ABTB2: variants seen among roughly 807,000 people sequenced by gnomAD.
The protein encoded by ABTB2 is ankyrin repeat and BTB domain containing 2, also known as ankyrin repeat and BTB/POZ domain-containing protein 2.
Under a neutral mutation model 104.1 loss-of-function variants are expected in ABTB2, and 56 were observed. The observed-to-expected ratio is 0.54, with a 90% CI of 0.43 to 0.67. ABTB2 has a LOEUF of 0.67. ABTB2 is among the 30% of genes least tolerant of loss of function. ABTB2 has a pLI of 0.00. For missense variants in ABTB2, 1,279 were observed against 1,407.7 expected, an observed-to-expected ratio of 0.91 and a Z score of 1.46; for synonymous variants, 606 against 608.2, an observed-to-expected ratio of 1.00 and a Z score of 0.05.
intron 3 of ABTB2, among the ~76,000 whole-genome samples, chr11:34,180,968 G>T (rs1397149671): frequency 6.6e-6 from 1 of 152,142 alleles, no homozygotes; most frequent in Non-Finnish European, 1.5e-5. Flanking sequence ...GAGGTGGCAC[G>T]ATCTCAGCTC....
intron 1 of ABTB2, among the ~76,000 whole-genome samples, chr11:34,341,758 G>A (rs1165566464): frequency 6.6e-6 from 1 of 152,140 alleles, no homozygotes; most frequent in Non-Finnish European, 1.5e-5. Context: ...AAACTCATGA[G>A]TTCCCAGGCC....
chr11:34,232,266 T>C (rs1459715983), intron 1 of ABTB2, among the ~76,000 whole-genome samples: 1 of 151,990 alleles, frequency 6.6e-6, no homozygotes, highest in Non-Finnish European at 1.5e-5. Flanking sequence ...CTGGCCAACA[T>C]GGTGAAACCC....
At chr11:34,265,289 G>C (rs993314188) in intron 1 of ABTB2, among the ~76,000 whole-genome samples, 4 of 152,234 alleles carry the variant, frequency 2.6e-5, no homozygotes, top group African/African-American at 9.6e-5. Flanking sequence ...CAATGTCACT[G>C]AAGCAGCTAC....
chr11:34,207,498 TA>T (rs751647610), intron 1 of ABTB2, among the ~76,000 whole-genome samples: 1 of 152,248 alleles, frequency 6.6e-6, no homozygotes, highest in Non-Finnish European at 1.5e-5. Flanking sequence ...CTTTTGCTTT[TA>T]AATGACTTTT....
rs376288765 is a variant in ABTB2 at position 34,154,788 on chromosome 11, C to G, written c.2698-19G>C. 3 of 1,613,042 alleles carry G rather than the reference C, an allele frequency of 1.9e-6. No homozygotes were observed. The highest frequency in any genetic ancestry group is 2.5e-6 in the Non-Finnish European group (3 of 1,179,292). ...TCATCATCTGTGGTGGGAAGAGGCC[C>G]ATGTGAATGCCACGTGAACCTGAGG... is the stretch of plus-strand genomic sequence containing the variant. On this transcript the variant is annotated intron_variant, in intron 14 of 16. Coordinates refer to ENST00000435224, the MANE Select transcript of ABTB2 (RefSeq NM_145804.3). This position sits in a 1 kb window ranked among gnomAD's most constrained non-coding sequence, Gnocchi z 4.9.
intron 3 of ABTB2, among the ~76,000 whole-genome samples, chr11:34,193,241 T>C (rs1853204157): frequency 6.6e-6 from 1 of 152,236 alleles, no homozygotes. Flanking sequence ...GGGCAGCAGC[T>C]GTGACTAATT....
intron 1 of ABTB2, among the ~76,000 whole-genome samples, chr11:34,339,401 A>G (rs1189992870): frequency 2.6e-5 from 4 of 152,186 alleles, no homozygotes; most frequent in African/African-American, 9.7e-5. Context: ...TGTGGGGACA[A>G]TGAAGGCGAC....
chr11:34,154,790 T>C lies in ABTB2; in HGVS notation c.2698-21A>G. The C allele has an allele frequency of 6.2e-7, 1 of 1,613,074 alleles. No homozygotes were observed. The highest frequency in any genetic ancestry group is 1.1e-5 in the South Asian group (1 of 91,008). ...ATCATCTGTGGTGGGAAGAGGCCCA[T>C]GTGAATGCCACGTGAACCTGAGGCA... On this transcript the variant is annotated intron_variant, in intron 14 of 16. Transcript: ENST00000435224. The surrounding 1 kb of genome is among the most constrained non-coding windows in gnomAD (Gnocchi z 4.9).
chr11:34,314,399 A>G (rs868288706), intron 1 of ABTB2, among the ~76,000 whole-genome samples: 44 of 152,358 alleles, frequency 2.9e-4, no homozygotes, highest in African/African-American at 9.6e-4. Flanking sequence ...TCTGTACTCC[A>G]AGGCTGAGCC....
intron 1 of ABTB2, among the ~76,000 whole-genome samples, chr11:34,344,907 G>A (rs1305603426): frequency 2.0e-5 from 3 of 152,102 alleles, no homozygotes; most frequent in African/African-American, 7.2e-5. Context: ...TTCAGTCAAT[G>A]GCCACTCCCT....
At chr11:34,177,847 A>G (rs1253597790) in intron 3 of ABTB2, among the ~76,000 whole-genome samples, 4 of 152,104 alleles carry the variant, frequency 2.6e-5, no homozygotes, top group Admixed American at 6.5e-5. Flanking sequence ...GATTACAGGC[A>G]TGAGGCACCG....
chr11:34,335,178 A>AC, intron 1 of ABTB2: 2 of 1,273,160 alleles, frequency 1.6e-6, no homozygotes, highest in East Asian at 4.6e-5. Context: ...GATGCTTCCT[A>AC]CAACTACACG....
chr11:34,276,515 C>T (rs915346239), intron 1 of ABTB2, among the ~76,000 whole-genome samples: 2 of 152,178 alleles, frequency 1.3e-5, no homozygotes, highest in Admixed American at 6.5e-5. Context: ...TCCCCACACA[C>T]AGTCCCCACC....
intron 1 of ABTB2, among the ~76,000 whole-genome samples, chr11:34,348,335 C>G (rs1482193176): frequency 6.6e-6 from 1 of 152,190 alleles, no homozygotes; most frequent in Non-Finnish European, 1.5e-5. Context: ...TGTACTCTGG[C>G]AGGCTTCTTA....
At chr11:34,277,612 A>G (rs954095423) in intron 1 of ABTB2, among the ~76,000 whole-genome samples, 3 of 92 alleles carry the variant, frequency 0.033, no homozygotes, top group African/African-American at 0.12. Context: ...GGTGAACCCC[A>G]TCTCTACAAA....
intron 1 of ABTB2, among the ~76,000 whole-genome samples, chr11:34,342,114 C>G (rs1470299109): frequency 6.6e-6 from 1 of 152,246 alleles, no homozygotes; most frequent in Admixed American, 6.5e-5. Context: ...AAGGAGCTAA[C>G]AGCTTCCAAA....
At position 34,357,730 on chromosome 11, in the gene ABTB2, C is replaced by A. The variant is rs1030314444; in HGVS notation, c.-147G>T. On this transcript the variant is annotated 5_prime_UTR_variant, in exon 1 of 17. Coordinates refer to ENST00000435224, the MANE Select transcript of ABTB2 (RefSeq NM_145804.3). ...CGGGGCTCGGCGGCCGCATTGCCTG[C>A]CCGGAGGCCGCGGGAAGGTGGCCGA... 7 of 914,558 alleles carry A rather than the reference C, an allele frequency of 7.7e-6. No homozygotes were observed. The highest frequency in any genetic ancestry group is 1.1e-5 in the Non-Finnish European group (7 of 659,882). The allele number at this position is 914,558 out of a possible 1,614,324, so 56.7% of individuals were successfully genotyped here. A position where few individuals can be genotyped will look rare whatever the true frequency, so the allele number is the denominator to read the frequency against.
chr11:34,284,975 C>T (rs1292363924), intron 1 of ABTB2, among the ~76,000 whole-genome samples: 2 of 152,268 alleles, frequency 1.3e-5, no homozygotes, highest in East Asian at 3.8e-4. Context: ...GCCAGCTCCG[C>T]TGTGTGTAAA....
At chr11:34,282,009 C>A (rs1008482042) in intron 1 of ABTB2, among the ~76,000 whole-genome samples, 5 of 152,132 alleles carry the variant, frequency 3.3e-5, no homozygotes, top group Admixed American at 1.3e-4. Flanking sequence ...TAGCAAAATA[C>A]CATAATGTAG....
Sources: gnomAD v4.1 joint callset for allele counts (sites outside exome capture counted in the v4.1 genomes callset) on GRCh38, gnomAD v4.1.1 for gene constraint, Gnocchi (gnomAD v3.1) non-coding constraint, MANE v1.5 for transcripts, NCBI Gene and HGNC (gene_info 2026-07-23, HGNC 2026-07-21) for gene names.